SIPA1L2: variants seen among roughly 807,000 people sequenced by gnomAD.
The protein encoded by SIPA1L2 is signal induced proliferation associated 1 like 2.
In SIPA1L2, 56 loss-of-function variants were observed where a neutral mutation model predicts 163.9. The observed-to-expected ratio is 0.34, with a 90% CI of 0.28 to 0.43. The LOEUF (loss-of-function observed/expected upper bound fraction) is 0.43, where lower values mean the gene tolerates loss of function less well. Ranked by LOEUF, SIPA1L2 falls within the 20% of genes least tolerant of loss-of-function variation. The pLI, the probability that SIPA1L2 is intolerant of heterozygous loss-of-function variation, is 1.00. For missense variants in SIPA1L2, 1,974 were observed against 2,193.5 expected, an observed-to-expected ratio of 0.90 and a Z score of 2.00; for synonymous variants, 877 against 865.7, an observed-to-expected ratio of 1.01 and a Z score of -0.23.
In SIPA1L2 at chr1:232,441,851, AGTAGAG is replaced by A. The variant is rs753753413; in HGVS notation, c.3449_3454del (p.Pro1150_Leu1151del). The A allele has an allele frequency of 1.9e-6, 3 of 1,612,802 alleles. No individual in the cohort carries two copies. Among genetic ancestry groups the A allele is most frequent in the African/African-American group, 1.3e-5 (1 of 75,030 alleles). On this transcript the variant is annotated inframe_deletion, in exon 13 of 23. Transcript: ENST00000674635. The stretch of plus-strand genomic sequence containing the variant: ...AGGGCCTGAGCCCTGGTGTTCGAGC[AGTAGAG>A]GGGACTGGCACCTGAAAAGAACACA...
intron 10 of SIPA1L2, among the ~76,000 whole-genome samples, chr1:232,460,284 C>T (rs117380060): frequency 5.3e-5 from 8 of 152,180 alleles, no homozygotes; most frequent in East Asian, 3.9e-4. Context: ...TCCACCTATC[C>T]GCCTCTGAAC....
chr1:232,590,769 C>A (rs1277504898), intron 1 of SIPA1L2, among the ~76,000 whole-genome samples: 3 of 152,208 alleles, frequency 2.0e-5, no homozygotes, highest in Non-Finnish European at 2.9e-5. Flanking sequence ...GATCTTCCAA[C>A]TAACTGCAGA....
chr1:232,590,724 G>GA (rs61412819), intron 1 of SIPA1L2, among the ~76,000 whole-genome samples: 41,400 of 150,672 alleles, frequency 0.27, 6,701 homozygotes, highest in Non-Finnish European at 0.37. Context: ...ACAAAAAAAG[G>GA]AAAAAAAAAA....
intron 1 of SIPA1L2, among the ~76,000 whole-genome samples, chr1:232,590,299 T>A (rs1219097672): frequency 7.2e-5 from 11 of 152,236 alleles, no homozygotes; most frequent in Non-Finnish European, 4.4e-5. Flanking sequence ...TTGACTTTAT[T>A]TCTCTAAAAG....
intron 2 of SIPA1L2, among the ~76,000 whole-genome samples, chr1:232,518,320 G>T (rs1199787264): frequency 6.6e-6 from 1 of 152,052 alleles, no homozygotes; most frequent in Non-Finnish European, 1.5e-5. Flanking sequence ...AATTGCTTTG[G>T]AGAATCATTT....
chr1:232,424,041 G>T lies in SIPA1L2; in HGVS notation c.4630+1548C>A, dbSNP rs564616263. The stretch of plus-strand genomic sequence containing the variant: ...TTAGGGCAGTGTAACTACTCTGAAT[G>T]ATACTGTAATGGCGGATACATGTCA... On this transcript the variant is annotated intron_variant, in intron 18 of 22. Coordinates refer to ENST00000674635, the MANE Select transcript of SIPA1L2 (RefSeq NM_020808.5). Among the ~76,000 whole-genome samples, 109 of 152,254 alleles carry T rather than the reference G, an allele frequency of 7.2e-4. 1 individual carries two copies. The highest frequency in any genetic ancestry group is 2.5e-3 in the African/African-American group (105 of 41,542).
At chr1:232,578,702 G>C (rs993116931) in intron 1 of SIPA1L2, among the ~76,000 whole-genome samples, 3 of 152,250 alleles carry the variant, frequency 2.0e-5, no homozygotes, top group Middle Eastern at 3.4e-3. Context: ...CCAACACAAT[G>C]AACAGTCTGT....
chr1:232,468,764 C>T (rs16857274), intron 8 of SIPA1L2, among the ~76,000 whole-genome samples: 2,558 of 152,284 alleles, frequency 0.017, 71 homozygotes, highest in African/African-American at 0.057. Context: ...ACCAAGACTT[C>T]TCTCATTCCG....
intron 8 of SIPA1L2, among the ~76,000 whole-genome samples, chr1:232,470,235 A>G (rs1664734310): frequency 6.6e-6 from 1 of 152,216 alleles, no homozygotes; most frequent in Admixed American, 6.5e-5. Flanking sequence ...AGTTCTGAGC[A>G]TTTAGGCCAG....
intron 3 of SIPA1L2, among the ~76,000 whole-genome samples, chr1:232,495,405 T>C (rs1666130841): frequency 6.6e-6 from 1 of 151,476 alleles, no homozygotes; most frequent in Non-Finnish European, 1.5e-5. Flanking sequence ...CTACTAAAAA[T>C]ACAAAAAAAA....
intron 19 of SIPA1L2, among the ~76,000 whole-genome samples, chr1:232,408,089 A>G (rs971156315): frequency 1.3e-5 from 2 of 152,182 alleles, no homozygotes; most frequent in Non-Finnish European, 2.9e-5. Flanking sequence ...ATCTTATTGA[A>G]CTAGACAGAC....
In SIPA1L2 at chr1:232,467,680, G is replaced by C. The variant is rs558356921; in HGVS notation, c.2244-2264C>G. On this transcript the variant is annotated intron_variant, in intron 8 of 22. Coordinates refer to ENST00000674635, the MANE Select transcript of SIPA1L2 (RefSeq NM_020808.5). ...AAATTTGGTTCTCTCTTTCAACAGT[G>C]AGTACAGATTTCTAGCAGTATTTTA... Among the ~76,000 whole-genome samples the C allele has an allele frequency of 3.3e-5, 5 of 152,348 alleles. No individual in the cohort carries two copies. In the East Asian group the frequency reaches 9.7e-4, roughly 29 times the overall value.
chr1:232,436,592 A>C (rs1167992293), intron 15 of SIPA1L2, among the ~76,000 whole-genome samples: 1 of 152,148 alleles, frequency 6.6e-6, no homozygotes, highest in Non-Finnish European at 1.5e-5. Flanking sequence ...CAGGAGAGGA[A>C]AGCAGGGGGG....
intron 3 of SIPA1L2, among the ~76,000 whole-genome samples, chr1:232,510,568 A>G (rs1339668841): frequency 6.6e-6 from 1 of 152,232 alleles, no homozygotes; most frequent in Non-Finnish European, 1.5e-5. Flanking sequence ...GTCATTTGCA[A>G]TGCTCTTGAA....
At chr1:232,614,176 C>T (rs1375496204) in intron 1 of SIPA1L2, among the ~76,000 whole-genome samples, 1 of 151,840 alleles carries the variant, frequency 6.6e-6, no homozygotes, top group Non-Finnish European at 1.5e-5. Flanking sequence ...CCAGATACTT[C>T]GTGTAACAGC....
chr1:232,597,413 C>A (rs547276051), intron 1 of SIPA1L2, among the ~76,000 whole-genome samples: 1 of 151,772 alleles, frequency 6.6e-6, no homozygotes, highest in East Asian at 1.9e-4. Context: ...CGCGGTGGCT[C>A]ACACCTGTAA....
chr1:232,432,468 A>G lies in SIPA1L2; in HGVS notation c.4035T>C (p.Gly1345=), dbSNP rs1572889445. Residue 1345 remains glycine, a synonymous_variant, in exon 16 of 23, where the codon GGT becomes GGC. Coordinates refer to ENST00000674635, the MANE Select transcript of SIPA1L2 (RefSeq NM_020808.5). ...CTGAAGGGCTTCCTGAATGGTGAGA[A>G]CCACTGAGGAGAAAAACAGACAAAA... ...DLSEISSHSS[G]SHHSGSPSAH... is the part of the protein sequence containing the mutation. 6.2e-7 allele frequency: 1 copy of G among 1,613,872 alleles called. No individual in the cohort carries two copies. Among genetic ancestry groups the G allele is most frequent in the Non-Finnish European group, 8.5e-7 (1 of 1,179,710 alleles).
rs143047089 is a variant in SIPA1L2, at chr1:232,587,828, TG to T, written c.-318-13607del. Among the ~76,000 whole-genome samples the T allele has an allele frequency of 1.7e-3, 262 of 152,302 alleles. 1 individual carries two copies. Among genetic ancestry groups the T allele is most frequent in the African/African-American group, 6.1e-3 (254 of 41,572 alleles). ...GGCGGTTTCCCCCATACTGTTCTTG[TG>T]GCAGTGAATAAGTCTCACAAGATCT... is the stretch of plus-strand genomic sequence containing the variant. On this transcript the variant is annotated intron_variant, in intron 1 of 22. Transcript: ENST00000674635.
chr1:232,516,338 T>C (rs1667219591), intron 2 of SIPA1L2, among the ~76,000 whole-genome samples: 1 of 152,208 alleles, frequency 6.6e-6, no homozygotes, highest in Admixed American at 6.5e-5. Flanking sequence ...TGTACCTCAG[T>C]TGTCAGTTTT....
Sources: allele counts gnomAD v4.1 joint callset (sites outside exome capture counted in the v4.1 genomes callset), GRCh38; gene constraint gnomAD v4.1.1; transcripts MANE v1.5; gene names NCBI Gene and HGNC (gene_info 2026-07-23, HGNC 2026-07-21).